The following THSD4 variants were observed in gnomAD, a reference collection of about 807,000 sequenced individuals.
The protein encoded by THSD4 is thrombospondin type 1 domain containing 4.
Under a neutral mutation model 119.0 loss-of-function variants are expected in THSD4, and 69 were observed. The ratio of observed to expected loss-of-function variants is 0.58; its 90% CI spans 0.48 to 0.71. The LOEUF is 0.71. Among genes scored for constraint, THSD4 ranks in the 30% least tolerant of loss-of-function variants. The pLI is 0.00. For missense variants in THSD4, 1,393 were observed against 1,391.1 expected, an observed-to-expected ratio of 1.00 and a Z score of -0.02; for synonymous variants, 524 against 540.4, an observed-to-expected ratio of 0.97 and a Z score of 0.42.
intron 6 of THSD4, among the ~76,000 whole-genome samples, chr15:71,298,608 C>CTTT (rs60709646): frequency 5.0e-4 from 45 of 90,258 alleles, no homozygotes; most frequent in Non-Finnish European, 6.9e-4. Context: ...TATGTGCTGA[C>CTTT]TTTTTTTTTT....
At chr15:71,620,436 AAATAAT>A (rs778457625) in intron 7 of THSD4, among the ~76,000 whole-genome samples, 10 of 151,990 alleles carry the variant, frequency 6.6e-5, no homozygotes, top group South Asian at 2.1e-4. Context: ...TTACAAAAAA[AAATAAT>A]AATAATAACA....
At chr15:71,257,873 A>G (rs1292133273) in intron 6 of THSD4, among the ~76,000 whole-genome samples, 2 of 152,106 alleles carry the variant, frequency 1.3e-5, no homozygotes, top group African/African-American at 2.4e-5. Flanking sequence ...TTCAAGCAGG[A>G]AGGATGTACA....
chr15:71,231,838 A>G (rs1308569488), intron 4 of THSD4, among the ~76,000 whole-genome samples: 1 of 152,166 alleles, frequency 6.6e-6, no homozygotes, highest in Non-Finnish European at 1.5e-5. Flanking sequence ...TAGACACCAG[A>G]TAATTTATTA....
chr15:71,278,275 A>G (rs977962202), intron 6 of THSD4, among the ~76,000 whole-genome samples: 1 of 152,140 alleles, frequency 6.6e-6, no homozygotes, highest in South Asian at 2.1e-4. Context: ...GGCTCATTGT[A>G]GCCCTGATCT....
chr15:71,235,941 AGT>A (rs1167710562), intron 4 of THSD4, among the ~76,000 whole-genome samples: 1 of 152,180 alleles, frequency 6.6e-6, no homozygotes, highest in African/African-American at 2.4e-5. Context: ...AAGGTTAAGC[AGT>A]GCAAGGAGAC....
intron 6 of THSD4, chr15:71,341,483 C>T: frequency 6.2e-7 from 1 of 1,613,332 alleles, no homozygotes; most frequent in Non-Finnish European, 8.5e-7. Flanking sequence ...TTGTGTCCAG[C>T]CCCACTGCTT....
intron 4 of THSD4, among the ~76,000 whole-genome samples, chr15:71,239,786 C>T (rs1276472132): frequency 6.6e-6 from 1 of 152,218 alleles, no homozygotes; most frequent in Non-Finnish European, 1.5e-5. Context: ...GGAGGCCCCC[C>T]TGCAAGCGGC....
chr15:71,692,194 G>A (rs973516189), intron 8 of THSD4, among the ~76,000 whole-genome samples: 3 of 152,208 alleles, frequency 2.0e-5, no homozygotes, highest in Non-Finnish European at 4.4e-5. Context: ...TGATAAAGGA[G>A]ACGTGGGTGT....
chr15:71,158,952 A>C (rs1009798067), intron 3 of THSD4, among the ~76,000 whole-genome samples: 3 of 152,132 alleles, frequency 2.0e-5, no homozygotes, highest in Admixed American at 2.0e-4. Context: ...TTGTTTTAGT[A>C]GTTTCATAAT....
chr15:71,188,480 A>T (rs2043635378), intron 3 of THSD4, among the ~76,000 whole-genome samples: 1 of 152,088 alleles, frequency 6.6e-6, no homozygotes, highest in Non-Finnish European at 1.5e-5. Flanking sequence ...AGCCATAGAG[A>T]TACTGGTGTG....
chr15:71,202,781 G>A (rs2043814195), intron 3 of THSD4, among the ~76,000 whole-genome samples: 1 of 152,086 alleles, frequency 6.6e-6, no homozygotes, highest in Non-Finnish European at 1.5e-5. Context: ...GAAGCCTGGT[G>A]GTTGCGGGGA....
intron 6 of THSD4, among the ~76,000 whole-genome samples, chr15:71,364,618 G>A (rs2045932495): frequency 6.6e-6 from 1 of 152,232 alleles, no homozygotes; most frequent in African/African-American, 2.4e-5. Flanking sequence ...TGACCTGTGT[G>A]TCAATTCCTA....
rs1193833260 is a variant in THSD4 at position 71,411,709 on chromosome 15, G to A, written c.1038G>A (p.Glu346=). 6.2e-7 allele frequency: 1 copy of A among 1,614,004 alleles called. No individual in the cohort carries two copies. Among genetic ancestry groups the A allele is most frequent in the Non-Finnish European group, 8.5e-7 (1 of 1,179,972 alleles). The change falls in exon 7 of 18, where the codon GAG becomes GAA. Residue 346 remains glutamate, a synonymous_variant. Coordinates refer to ENST00000261862, the MANE Select transcript of THSD4 (RefSeq NM_024817.3). ...FAEVKGNRKC[E]LNCQAMGYRF... ...TAGTAAAAGGCAATCGCAAATGTGA[G>A]TTGAACTGCCAGGCAATGGGCTACC...
intron 2 of THSD4, among the ~76,000 whole-genome samples, chr15:71,149,106 T>G (rs928076764): frequency 5.3e-5 from 8 of 150,924 alleles, no homozygotes; most frequent in Admixed American, 1.3e-4. Context: ...TGGTGCGATC[T>G]CAGCTCACTG....
rs57999390 is a variant in THSD4, at chr15:71,716,561, G to GGTGTGTGTGTGT, written c.1358-11979_1358-11968dup. Among the ~76,000 whole-genome samples the GGTGTGTGTGTGT allele has an allele frequency of 7.6e-3, 1,094 of 144,614 alleles. 14 individuals are homozygous for GGTGTGTGTGTGT. The highest frequency in any genetic ancestry group is 0.014 in the African/African-American group (566 of 39,278). 94.9% of individuals were successfully genotyped at this position (144,614 alleles called of 152,430 possible). On this transcript the variant is annotated intron_variant, in intron 8 of 17. Transcript: ENST00000261862. Reference sequence around the variant, plus strand: ...TTCCTGTTTGTTTTATAGAGTGTGGGGTGTGTGTGTGTGTGTGTGTTGGTT... The same window carrying GGTGTGTGTGTGT: ...TTCCTGTTTGTTTTATAGAGTGTGGGGTGTGTGTGTGTGTGTGTGTGTGTGTGTGTGTTGGTT...
chr15:71,528,127 A>C (rs1391852811), intron 7 of THSD4, among the ~76,000 whole-genome samples: 2 of 152,100 alleles, frequency 1.3e-5, no homozygotes, highest in African/African-American at 4.8e-5. Flanking sequence ...CAAATACCCA[A>C]CTTTCCAGAG....
intron 7 of THSD4, among the ~76,000 whole-genome samples, chr15:71,415,214 A>T (rs2046743109): frequency 6.6e-6 from 1 of 152,194 alleles, no homozygotes; most frequent in African/African-American, 2.4e-5. Flanking sequence ...AGCCTTACAT[A>T]ATAATATGAA....
In THSD4 at chr15:71,399,831, C is replaced by T. The variant is rs78129702; in HGVS notation, c.1016-11856C>T. ...AGCCTTTGTTTTAATAAAAGACCCC[C>T]AGGTAATTCTGATGTACGTTAGAGT... On this transcript the variant is annotated intron_variant, in intron 6 of 17. Coordinates refer to ENST00000261862, the MANE Select transcript of THSD4 (RefSeq NM_024817.3). 3.4e-3 allele frequency among the ~76,000 whole-genome samples: 525 copies of T among 152,246 alleles called. 4 individuals are homozygous for T. Among genetic ancestry groups the T allele is most frequent in the African/African-American group, 0.012 (495 of 41,542 alleles).
intron 6 of THSD4, among the ~76,000 whole-genome samples, chr15:71,313,617 T>C (rs941605326): frequency 1.3e-5 from 2 of 152,140 alleles, no homozygotes; most frequent in African/African-American, 4.8e-5. Context: ...AGTTTCAATA[T>C]ATAGACAATT....
Sources: gnomAD v4.1 joint callset for allele counts (sites outside exome capture counted in the v4.1 genomes callset) on GRCh38, gnomAD v4.1.1 for gene constraint, MANE v1.5 for transcripts, NCBI Gene and HGNC (gene_info 2026-07-23, HGNC 2026-07-21) for gene names.